The following ATP2C1 variants were observed in gnomAD, a reference collection of about 807,000 sequenced individuals.
ATP2C1 encodes the protein calcium-transporting ATPase type 2C member 1.
ATP2C1 carries 31 observed loss-of-function variants against 120.5 expected under a neutral mutation model. The ratio of observed to expected loss-of-function variants is 0.26; its 90% CI spans 0.19 to 0.35. The LOEUF (loss-of-function observed/expected upper bound fraction) is 0.35. Ranked by LOEUF, ATP2C1 falls within the 10% of genes least tolerant of loss-of-function variation. ATP2C1 has a pLI of 1.00. For missense variants in ATP2C1, 731 were observed against 1,107.5 expected, an observed-to-expected ratio of 0.66 and a Z score of 4.83; for synonymous variants, 351 against 358.7, an observed-to-expected ratio of 0.98 and a Z score of 0.24.
chr3:131,010,733 A>C (rs903577447), intron 26 of ATP2C1, among the ~76,000 whole-genome samples: 1 of 152,032 alleles, frequency 6.6e-6, no homozygotes, highest in Non-Finnish European at 1.5e-5. Flanking sequence ...TAATATTCTC[A>C]CATTCCTGCC....
At chr3:130,981,791 G>A (rs916159771) in intron 20 of ATP2C1, among the ~76,000 whole-genome samples, 3 of 152,112 alleles carry the variant, frequency 2.0e-5, no homozygotes, top group Admixed American at 6.6e-5. Flanking sequence ...TTTAATGTGC[G>A]TTTCCCTCAC....
chr3:130,991,768 G>A (rs982906485), intron 20 of ATP2C1, among the ~76,000 whole-genome samples: 2 of 152,134 alleles, frequency 1.3e-5, no homozygotes, highest in African/African-American at 4.8e-5. Context: ...TGCAGTAGAT[G>A]CATATTGAGT....
At chr3:130,942,775 C>A (rs934004340) in intron 8 of ATP2C1, among the ~76,000 whole-genome samples, 5 of 152,060 alleles carry the variant, frequency 3.3e-5, no homozygotes, top group African/African-American at 1.2e-4. Flanking sequence ...AATGTTAATT[C>A]TTTTCTACTC....
chr3:130,879,982 C>A (rs2068731296), intron 1 of ATP2C1, among the ~76,000 whole-genome samples: 1 of 152,072 alleles, frequency 6.6e-6, no homozygotes, highest in African/African-American at 2.4e-5. Context: ...TGATAGTGAA[C>A]CCTCATGTGG....
At chr3:130,913,963 T>C (rs2058565399) in intron 2 of ATP2C1, among the ~76,000 whole-genome samples, 1 of 152,178 alleles carries the variant, frequency 6.6e-6, no homozygotes, top group Admixed American at 6.5e-5. Flanking sequence ...CCTCTTCAGA[T>C]TGTTTTCCGA....
At chr3:131,012,449 G>C (rs2063361183) in intron 26 of ATP2C1, among the ~76,000 whole-genome samples, 1 of 151,724 alleles carries the variant, frequency 6.6e-6, no homozygotes, top group Non-Finnish European at 1.5e-5. Context: ...GTAGAGACGG[G>C]GTTTCACCAT....
chr3:130,894,165 C>CCCCAAAAA lies in ATP2C1; in HGVS notation c.-352_-351insCCAAAAAC. The stretch of plus-strand genomic sequence containing the variant: ...CCTCTTCTCTCCCCTCCCCGCCCGC[C>CCCCAAAAA]CTCTCTCCCTCCCTTCCTCCCTCCC... On this transcript the variant is annotated 5_prime_UTR_variant, in exon 1 of 28. Coordinates refer to ENST00000510168, the MANE Select transcript of ATP2C1 (RefSeq NM_001378687.1). The surrounding 1 kb of genome is among the most constrained non-coding windows in gnomAD (Gnocchi z 4.5). 1 of 826,282 alleles carries CCCCAAAAA rather than the reference C, an allele frequency of 1.2e-6. No individual in the cohort carries two copies. Among genetic ancestry groups the CCCCAAAAA allele is most frequent in the African/African-American group, 1.8e-5 (1 of 54,126 alleles). The allele number at this position is 826,282 out of a possible 1,614,324, so 51.2% of individuals were successfully genotyped here.
At chr3:130,992,640 A>G (rs963468857) in intron 20 of ATP2C1, among the ~76,000 whole-genome samples, 4 of 152,126 alleles carry the variant, frequency 2.6e-5, no homozygotes, top group African/African-American at 9.7e-5. Flanking sequence ...GACGCAAGAG[A>G]ATTTTTCCTT....
At position 130,941,706 on chromosome 3, in the gene ATP2C1, T is replaced by A. The variant is rs1559952961; in HGVS notation, c.531+7T>A. 2.5e-6 allele frequency: 4 copies of A among 1,603,396 alleles called. No homozygotes were observed. The South Asian group carries it at 3.3e-5, about 13-fold the overall frequency. ...TGACTTACGCTTGTTTGAGGTAAAT[T>A]TGGGATCTGATTGTAATAAGTGAAA... On this transcript the variant is annotated splice_region_variant and intron_variant, in intron 8 of 27. Coordinates refer to ENST00000510168, the MANE Select transcript of ATP2C1 (RefSeq NM_001378687.1).
At chr3:130,958,723 A>G (rs1353004171) in intron 11 of ATP2C1, among the ~76,000 whole-genome samples, 4 of 152,150 alleles carry the variant, frequency 2.6e-5, no homozygotes, top group African/African-American at 9.7e-5. Flanking sequence ...AAATGCCATA[A>G]AAGTAGTGAT....
intron 4 of ATP2C1, among the ~76,000 whole-genome samples, chr3:130,933,190 A>G (rs1322473538): frequency 6.6e-6 from 1 of 152,210 alleles, no homozygotes; most frequent in African/African-American, 2.4e-5. Flanking sequence ...TGAGAATTAA[A>G]TAGTGCCTGT....
rs565468238 is a variant in ATP2C1, at chr3:130,895,242, A to T, written c.6+467A>T. ...TATTATGTCTAGCATTGGGGAAAAA[A>T]CTCATTATTTTTCAATTCACAAAAA... On this transcript the variant is annotated intron_variant, in intron 2 of 27. Transcript: ENST00000510168. Among the ~76,000 whole-genome samples, 6 of 151,932 alleles carry T rather than the reference A, an allele frequency of 3.9e-5. No individual in the cohort carries two copies. In the East Asian group the frequency reaches 1.2e-3, roughly 29 times the overall value.
At chr3:130,918,495 G>T in intron 2 of ATP2C1, 5 of 779,960 alleles carry the variant, frequency 6.4e-6, no homozygotes, top group Non-Finnish European at 1.2e-5. Context: ...CTTTGGATTT[G>T]CTTGTAGGCA....
In ATP2C1 at chr3:131,001,474, T is replaced by C; in HGVS notation, c.*124T>C. 7.0e-7 allele frequency: 1 copy of C among 1,426,232 alleles called. No homozygotes were observed. The highest frequency in any genetic ancestry group is 9.2e-7 in the Non-Finnish European group (1 of 1,090,772). The allele number at this position is 1,426,232 out of a possible 1,614,324, so 88.3% of individuals were successfully genotyped here. On this transcript the variant is annotated 3_prime_UTR_variant, in exon 28 of 28. Coordinates refer to ENST00000510168, the MANE Select transcript of ATP2C1 (RefSeq NM_001378687.1). ...ACTATTCATTGACTAAAAATGAACATTAATGTTAAAGACTTAAGACTTTAA... is the reference window on the plus strand; with the variant it reads ...ACTATTCATTGACTAAAAATGAACACTAATGTTAAAGACTTAAGACTTTAA...
chr3:130,942,481 A>C (rs561726407), intron 8 of ATP2C1, among the ~76,000 whole-genome samples: 63 of 152,338 alleles, frequency 4.1e-4, no homozygotes, highest in African/African-American at 1.4e-3. Context: ...CACCATTGGA[A>C]TTAAGCTGTT....
At position 131,002,154 on chromosome 3, in the gene ATP2C1, A is replaced by G. The variant is rs1256369741; in HGVS notation, c.*804A>G. On this transcript the variant is annotated 3_prime_UTR_variant, in exon 28 of 28. Coordinates refer to ENST00000510168, the MANE Select transcript of ATP2C1 (RefSeq NM_001378687.1). ...TTTAAGACTGATTGGGTTGAAGTTT[A>G]TAATAAATTATATTAACATGTCTTC... 4.1e-6 allele frequency: 4 copies of G among 979,368 alleles called. No individual in the cohort carries two copies. The highest frequency in any genetic ancestry group is 3.5e-5 in the African/African-American group (2 of 57,092). 60.7% of individuals were successfully genotyped at this position (979,368 alleles called of 1,614,324 possible). A position where few individuals can be genotyped will look rare whatever the true frequency, so the allele number is the denominator to read the frequency against.
At chr3:130,977,418 A>C (rs2061573258) in intron 18 of ATP2C1, among the ~76,000 whole-genome samples, 1 of 152,154 alleles carries the variant, frequency 6.6e-6, no homozygotes, top group African/African-American at 2.4e-5. Flanking sequence ...TCCAGCTATT[A>C]ATAAAGCATT....
exon 1 of ATP2C1, chr3:130,850,634 G>C: frequency 2.4e-6 from 1 of 419,368 alleles, no homozygotes; most frequent in Non-Finnish European, 4.3e-6. Flanking sequence ...TTCATACTTG[G>C]CTGTCTGGTT....
At chr3:130,869,458 A>AAAAAAAAAAAAAAAAAAAAAAAAAT (rs1420627247) in intron 1 of ATP2C1, 1 of 128,242 alleles carries the variant, frequency 7.8e-6, no homozygotes, top group African/African-American at 2.9e-5. Context: ...AAAAAAAAAA[A>AAAAAAAAAAAAAAAAAAAAAAAAAT]AGAAATGATT....
Sources: gnomAD v4.1 joint callset for allele counts (sites outside exome capture counted in the v4.1 genomes callset) on GRCh38, gnomAD v4.1.1 for gene constraint, Gnocchi (gnomAD v3.1) non-coding constraint, MANE v1.5 for transcripts, NCBI Gene and HGNC (gene_info 2026-07-23, HGNC 2026-07-21) for gene names.